Variants in FBXO3 observed in about 807,000 individuals in gnomAD.
FBXO3 encodes the protein F-box only protein 3.
Under a neutral mutation model 64.8 loss-of-function variants are expected in FBXO3, and 17 were observed. That is an observed-to-expected ratio of 0.26 (90% CI 0.18 to 0.39). The LOEUF is 0.39. Ranked by LOEUF, FBXO3 falls within the 10% of genes least tolerant of loss-of-function variation. FBXO3 has a pLI of 1.00. For synonymous variants in FBXO3, 182 were observed against 201.6 expected (o/e 0.90, Z 0.82); for missense variants, 420 against 589.9 (o/e 0.71, Z 2.98).
At position 33,741,946 on chromosome 11, in the gene FBXO3, C is replaced by T; in HGVS notation, c.1378G>A (p.Val460Ile). Residue 460 changes from valine (V) to isoleucine (I), a missense_variant, in exon 11 of 11, where the codon GTT (valine) becomes ATT (isoleucine). Val to Ile is a conservative substitution (Grantham distance 29). Around this residue, in one of 3 missense-constraint regions of FBXO3, gnomAD observed 57 missense variants for 55.4 expected, o/e 1.03. Coordinates refer to ENST00000265651, the MANE Select transcript of FBXO3 (RefSeq NM_012175.4). ...GAGCAGCGGCGTCTGCGAATGGGAA[C>T]ATCAAAGACTCTCCTCCGTCTCTCC... ...EEERRRRVFD[V>I]PIRRRRCSRL... 1 of 1,613,684 alleles carries T rather than the reference C, an allele frequency of 6.2e-7. No individual in the cohort carries two copies. Among genetic ancestry groups the T allele is most frequent in the Non-Finnish European group, 8.5e-7 (1 of 1,179,810 alleles).
rs1282036520 is a variant in FBXO3, at chr11:33,748,898, G to C, written c.933-6C>G. ...CATCTTTTGACATTTCAATCCTAGA[G>C]AAGGGAATGGGGTGGTAGAGACAAA... On this transcript the variant is annotated splice_region_variant and splice_polypyrimidine_tract_variant and intron_variant, in intron 8 of 10. Transcript: ENST00000265651. The C allele has an allele frequency of 6.3e-7, 1 of 1,591,348 alleles. No homozygotes were observed. The highest frequency in any genetic ancestry group is 2.2e-5 in the East Asian group (1 of 44,726).
In FBXO3 at chr11:33,755,773, G is replaced by C; in HGVS notation, c.676C>G (p.Pro226Ala). Reference protein sequence around the residue: ...RNKNEVFYQCPDQMARNPAAI... With the variant: ...RNKNEVFYQCADQMARNPAAI... ...ATTTAAACACACGTTCTACTTACTG[G>C]ACATTGGTAGAAAACTTCATTTTTG... Residue 226 changes from proline (P) to alanine (A), a missense_variant and splice_region_variant, in exon 5 of 11, where the codon CCA (proline) becomes GCA (alanine). Coordinates refer to ENST00000265651, the MANE Select transcript of FBXO3 (RefSeq NM_012175.4). 6.2e-7 allele frequency: 1 copy of C among 1,610,716 alleles called. No individual in the cohort carries two copies. The highest frequency in any genetic ancestry group is 8.5e-7 in the Non-Finnish European group (1 of 1,177,232).
chr11:33,750,938 A>G (rs1248815565), intron 7 of FBXO3, among the ~76,000 whole-genome samples: 1 of 152,196 alleles, frequency 6.6e-6, no homozygotes, highest in Non-Finnish European at 1.5e-5. Context: ...AAATGAGCTT[A>G]TTCAGTTTCC....
chr11:33,768,474 A>C (rs1855429470), intron 3 of FBXO3, among the ~76,000 whole-genome samples: 1 of 152,174 alleles, frequency 6.6e-6, no homozygotes, highest in Non-Finnish European at 1.5e-5. Context: ...AAATAGTATC[A>C]ACTTGTACTG....
intron 2 of FBXO3, among the ~76,000 whole-genome samples, chr11:33,769,966 G>A (rs1292669421): frequency 4.0e-5 from 6 of 149,916 alleles, no homozygotes; most frequent in African/African-American, 7.4e-5. Context: ...AAGAACTTAC[G>A]ATGAAAAACT....
At chr11:33,769,168 C>G (rs1459213090) in intron 2 of FBXO3, among the ~76,000 whole-genome samples, 154 bp from the exon 3 acceptor site, 1 of 152,032 alleles carries the variant, frequency 6.6e-6, no homozygotes, top group Non-Finnish European at 1.5e-5. Flanking sequence ...GTGATATATA[C>G]ATAAAAAAAT....
At chr11:33,744,263 T>A (rs1356008732) in intron 10 of FBXO3, 1 of 152,014 alleles carries the variant, frequency 6.6e-6, no homozygotes, top group Non-Finnish European at 1.5e-5. Flanking sequence ...ACAGAAAAAC[T>A]GTTAAAGAAC....
intron 3 of FBXO3, among the ~76,000 whole-genome samples, chr11:33,760,062 G>A (rs7115945): frequency 0.29 from 44,345 of 152,048 alleles, 6,923 homozygotes; most frequent in African/African-American, 0.4. Flanking sequence ...TCTATGATAC[G>A]TGCACTAGAA....
chr11:33,754,920 C>T (rs146316475), intron 5 of FBXO3, among the ~76,000 whole-genome samples: 2 of 149,600 alleles, frequency 1.3e-5, no homozygotes, highest in African/African-American at 4.9e-5. Flanking sequence ...GGCTGGAGTG[C>T]AGTGGCTCGA....
chr11:33,753,041 T>G (rs2133601543), intron 6 of FBXO3: 1 of 152,306 alleles, frequency 6.6e-6, no homozygotes, highest in East Asian at 1.9e-4. Context: ...GATATGCCAT[T>G]TTGTGTGTTA....
chr11:33,754,227 G>T lies in FBXO3; in HGVS notation c.724+228C>A, dbSNP rs985633581. The T allele has an allele frequency of 1.5e-4, 65 of 431,818 alleles. No individual in the cohort carries two copies. In the Admixed American group the frequency reaches 1.7e-3, roughly 12 times the overall value. 26.7% of individuals were successfully genotyped at this position (431,818 alleles called of 1,614,324 possible). On this transcript the variant is annotated intron_variant, in intron 6 of 10. Transcript: ENST00000265651. ...ATTGCCTTATAGAAGAGTCCTCAGA[G>T]CATGAGATTGTATATGGACTAGCTT...
At chr11:33,750,394 G>T in intron 8 of FBXO3, 145 bp downstream of exon 8, 1 of 846,290 alleles carries the variant, frequency 1.2e-6, no homozygotes, top group Non-Finnish European at 1.8e-6. Flanking sequence ...ACACTATCTT[G>T]TAGAAAATGT....
intron 4 of FBXO3, among the ~76,000 whole-genome samples, chr11:33,757,683 T>TAAAAAAAAAAAAAAAA (rs1554946196): frequency 5.8e-5 from 2 of 34,758 alleles, no homozygotes; most frequent in Non-Finnish European, 6.4e-5. Context: ...AAAAAAAAAG[T>TAAAAAAAAAAAAAAAA]CTGGGTGGTT....
intron 10 of FBXO3, 139 bp downstream of exon 10, chr11:33,746,991 A>T: frequency 1.3e-6 from 2 of 1,487,310 alleles, no homozygotes; most frequent in Non-Finnish European, 1.8e-6. Flanking sequence ...CAACAAATTC[A>T]CATGACCCCC....
chr11:33,759,303 T>G (rs556726953), intron 3 of FBXO3, among the ~76,000 whole-genome samples: 1 of 152,290 alleles, frequency 6.6e-6, no homozygotes, highest in East Asian at 1.9e-4. Flanking sequence ...CCACCTTGTC[T>G]TTAGACAAGA....
intron 4 of FBXO3, among the ~76,000 whole-genome samples, chr11:33,757,923 T>C (rs1590575315): frequency 1.4e-5 from 2 of 144,282 alleles, no homozygotes; most frequent in African/African-American, 5.2e-5. Context: ...GCTACTATAC[T>C]CCAGGCTTGG....
chr11:33,767,155 T>C (rs1855392777), intron 3 of FBXO3, among the ~76,000 whole-genome samples: 1 of 152,220 alleles, frequency 6.6e-6, no homozygotes, highest in African/African-American at 2.4e-5. Context: ...TAGTCCAATA[T>C]ACATTCTAAG....
chr11:33,758,592 C>T lies in FBXO3; in HGVS notation c.368G>A (p.Arg123Gln), dbSNP rs753575739. The T allele has an allele frequency of 5.6e-6, 9 of 1,600,176 alleles. No individual in the cohort carries two copies. Among genetic ancestry groups the T allele is most frequent in the South Asian group, 2.2e-5 (2 of 89,938 alleles). The stretch of plus-strand genomic sequence containing the variant: ...TTCCACAGCATCGAGGTCTTCCTCT[C>T]GAGCACCCTCTATAAAGGCACAAAA... ...RMVLSLKEGA[R>Q]EEDLDAVEAQ... is the part of the protein sequence containing the mutation. The change falls in exon 4 of 11, where the codon CGA becomes CAA. Residue 123 changes from arginine to glutamine, a missense_variant. Coordinates refer to ENST00000265651, the MANE Select transcript of FBXO3 (RefSeq NM_012175.4).
At chr11:33,763,339 T>C in intron 3 of FBXO3, 1 of 420,214 alleles carries the variant, frequency 2.4e-6, no homozygotes, top group African/African-American at 2.0e-5. Context: ...CTCATGAACA[T>C]AGATGTAAAA....
Sources: gnomAD v4.1 joint callset for allele counts (sites outside exome capture counted in the v4.1 genomes callset) on GRCh38, gnomAD v4.1.1 for gene constraint, gnomAD v4.1.1 regional missense constraint, MANE v1.5 for transcripts, NCBI Gene and HGNC (gene_info 2026-07-23, HGNC 2026-07-21) for gene names.